The following PKP2 variants were observed in gnomAD, a reference collection of about 807,000 sequenced individuals.
The protein encoded by PKP2 is plakophilin-2.
A neutral mutation model predicts 83.4 loss-of-function variants in PKP2; 73 were observed. The ratio of observed to expected loss-of-function variants is 0.88; its 90% confidence interval spans 0.72 to 1.06. PKP2 has a LOEUF of 1.06. PKP2 is among the 50% of genes least tolerant of loss of function. The probability of loss-of-function intolerance (pLI) is 0.00; values close to 1 mark genes in which losing one functional copy is unlikely to be tolerated. For synonymous variants in PKP2, 409 were observed against 430.4 expected, an observed-to-expected ratio of 0.95 and a Z score of 0.62; for missense variants, 966 against 1,065.4, an observed-to-expected ratio of 0.91 and a Z score of 1.30.
chr12:32,840,914 TCAAA>T lies in PKP2; in HGVS notation c.1556+110_1556+113del, dbSNP rs1956584462. ...ATAAATAAATAAAATAAACAAACCA[TCAAA>T]CAAACTGTGTAACTAGAAAAGAACC... On this transcript the variant is annotated intron_variant, in intron 6 of 12. Transcript: ENST00000340811. The T allele has an allele frequency of 3.9e-6, 3 of 776,138 alleles. 1 individual carries two copies. The South Asian group carries it at 4.4e-5, about 11-fold the overall frequency. The allele number at this position is 776,138 out of a possible 1,614,324, so 48.1% of individuals were successfully genotyped here.
Position 32,850,823 on chromosome 12 carries a change from G to A in PKP2, c.1321C>T (p.Arg441Trp), listed in dbSNP as rs755233999. ...GTTTGCTTCAGCACCTGGAGCAGCC[G>A]AGGTACCCCATTTAGTTCAGCCACC... ...LEVAELNGVP[R>W]LLQVLKQTRD... is the part of the protein sequence containing the mutation. The change falls in exon 5 of 13, where the codon CGG becomes TGG. Residue 441 changes from arginine to tryptophan, a missense_variant. Transcript: ENST00000340811. 7.4e-6 allele frequency: 12 copies of A among 1,613,640 alleles called. No individual in the cohort carries two copies. The highest frequency in any genetic ancestry group is 1.1e-5 in the South Asian group (1 of 91,046).
intron 6 of PKP2, among the ~76,000 whole-genome samples, chr12:32,825,273 A>G (rs1038827634): frequency 1.4e-5 from 2 of 143,958 alleles, no homozygotes; most frequent in African/African-American, 5.2e-5. Context: ...GGTTCAAGCG[A>G]TTCTCCTGCC....
At position 32,878,981 on chromosome 12, in the gene PKP2, A is replaced by G. The variant is rs763639737; in HGVS notation, c.275T>C (p.Leu92Ser). The G allele has an allele frequency of 2.5e-6, 4 of 1,609,096 alleles. No homozygotes were observed. The highest frequency in any genetic ancestry group is 3.4e-6 in the Non-Finnish European group (4 of 1,177,150). The change falls in exon 2 of 13, where the codon TTG becomes TCG. Residue 92 changes from leucine (L) to serine (S), a missense_variant. Transcript: ENST00000340811. Reference protein sequence around the residue: ...SVPEYVYNLHLVENDFVGGRS... With the variant: ...SVPEYVYNLHSVENDFVGGRS... ...GCCTCCAACAAAATCATTTTCAACC[A>G]AGTGTAGGTTGTAGACATACTCAGG... is the stretch of plus-strand genomic sequence containing the variant.
In PKP2 at chr12:32,896,596, G is replaced by A; in HGVS notation, c.136C>T (p.Arg46Cys). 6.3e-7 allele frequency: 1 copy of A among 1,586,434 alleles called. No homozygotes were observed. Among genetic ancestry groups the A allele is most frequent in the South Asian group, 1.1e-5 (1 of 88,790 alleles). ...AGGCTCTTGACTGTCTGGCCGCCGCGGCCGCTGCTCCCCGCCAGCTTCAGC... is the reference window on the plus strand; with the variant it reads ...AGGCTCTTGACTGTCTGGCCGCCGCAGCCGCTGCTCCCCGCCAGCTTCAGC... ...AKLKLAGSSGRGGQTVKSLRI... is the reference protein window; with the variant it reads ...AKLKLAGSSGCGGQTVKSLRI... The change falls in exon 1 of 13, where the codon CGC becomes TGC. Residue 46 changes from arginine to cysteine, a missense_variant. Arg to Cys is a radical substitution (Grantham distance 180, BLOSUM62 -3). Coordinates refer to ENST00000340811, the MANE Select transcript of PKP2 (RefSeq NM_001005242.3).
At chr12:32,845,313 A>C (rs940722125) in intron 5 of PKP2, among the ~76,000 whole-genome samples, 3 of 152,164 alleles carry the variant, frequency 2.0e-5, no homozygotes, top group Admixed American at 2.0e-4. Flanking sequence ...GCACTCTGGG[A>C]GGCCGAGGGG....
Position 32,851,116 on chromosome 12 carries a change from T to G in PKP2, c.1171-143A>C. ...ACTATGTGTAGCACAACTGAGGCTCTTGTAGAATATACCCCGGCTATAAGG... is the reference window on the plus strand; with the variant it reads ...ACTATGTGTAGCACAACTGAGGCTCGTGTAGAATATACCCCGGCTATAAGG... On this transcript the variant is annotated intron_variant, in intron 4 of 12. Transcript: ENST00000340811. 5.6e-6 allele frequency: 4 copies of G among 711,974 alleles called. No individual in the cohort carries two copies. The South Asian group carries it at 6.3e-5, about 11-fold the overall frequency. 44.1% of individuals were successfully genotyped at this position (711,974 alleles called of 1,614,324 possible). A position where few individuals can be genotyped will look rare whatever the true frequency, so the allele number is the denominator to read the frequency against.
In PKP2 at chr12:32,796,109, G is replaced by A. The variant is rs1057518582; in HGVS notation, c.2357C>T (p.Ala786Val). 3.1e-6 allele frequency: 5 copies of A among 1,612,702 alleles called. No individual in the cohort carries two copies. In the African/African-American group the frequency reaches 5.3e-5, roughly 17 times the overall value. Reference sequence around the variant, plus strand: ...TGACGGGCAGAACTGAAGGACTTACGCATCGCCTGCACTAATGGCCATAAT... The same window carrying A: ...TGACGGGCAGAACTGAAGGACTTACACATCGCCTGCACTAATGGCCATAAT... ...QKIMAISAGD[A>V]YASNKASKAA... The change falls in exon 11 of 13, where the codon GCC becomes GTC. Residue 786 changes from alanine (A) to valine (V), a missense_variant and splice_region_variant. Physicochemically the swap from Ala to Val is moderately conservative, Grantham distance 64 (BLOSUM62 0). Transcript: ENST00000340811.
intron 6 of PKP2, among the ~76,000 whole-genome samples, chr12:32,835,228 T>G (rs1055461706): frequency 1.2e-4 from 19 of 152,106 alleles, no homozygotes; most frequent in African/African-American, 4.3e-4. Context: ...TAATTTTTTG[T>G]ATTTTTAGTA....
At position 32,878,225 on chromosome 12, in the gene PKP2, T is replaced by C. The variant is rs1309098966; in HGVS notation, c.655A>G (p.Arg219Gly). The C allele has an allele frequency of 1.3e-5, 21 of 1,614,130 alleles. No homozygotes were observed. The highest frequency in any genetic ancestry group is 1.6e-5 in the Non-Finnish European group (19 of 1,180,032). ...CTAACAGAGCCATGCTGGTACTGTC[T>C]GTGGTATGTGTCAAAGTGGCGCTGC... The part of the protein sequence containing the change: ...SRQRHFDTYH[R>G]QYQHGSVSDT... Residue 219 changes from arginine (R) to glycine (G), a missense_variant, in exon 3 of 13, where the codon AGA becomes GGA. Transcript: ENST00000340811.
At position 32,840,946 on chromosome 12, in the gene PKP2, A is replaced by C. The variant is rs1956584707; in HGVS notation, c.1556+82T>G. The C allele has an allele frequency of 8.3e-6, 8 of 966,268 alleles. No individual in the cohort carries two copies. The East Asian group carries it at 1.9e-4, about 23-fold the overall frequency. The allele number at this position is 966,268 out of a possible 1,614,324, so 59.9% of individuals were successfully genotyped here. A position where few individuals can be genotyped will look rare whatever the true frequency, so the allele number is the denominator to read the frequency against. ...AACTGTGTAACTAGAAAAGAACCAA[A>C]GGCAGAATATATCCTGACTTCCTTG... On this transcript the variant is annotated intron_variant, in intron 6 of 12. Transcript: ENST00000340811.
intron 4 of PKP2, among the ~76,000 whole-genome samples, chr12:32,856,041 G>A (rs1427164203): frequency 6.6e-6 from 1 of 152,008 alleles, no homozygotes; most frequent in East Asian, 1.9e-4. Flanking sequence ...AAAAATTAGA[G>A]AACAAAACCA....
At chr12:32,852,294 T>C (rs1350097212) in intron 4 of PKP2, among the ~76,000 whole-genome samples, 1 of 152,220 alleles carries the variant, frequency 6.6e-6, no homozygotes, top group East Asian at 1.9e-4. Context: ...AGCGGAGAGC[T>C]GCACGCCTGG....
chr12:32,880,992 C>T (rs1471623220), intron 1 of PKP2, among the ~76,000 whole-genome samples: 1 of 152,178 alleles, frequency 6.6e-6, no homozygotes. Context: ...TACAACAACA[C>T]AGGGTGCTCC....
intron 4 of PKP2, among the ~76,000 whole-genome samples, chr12:32,858,883 G>A (rs993676223): frequency 2.0e-5 from 3 of 152,146 alleles, no homozygotes; most frequent in South Asian, 2.1e-4. Context: ...ATGAATTCAA[G>A]TGAAAAAAAA....
chr12:32,793,473 A>G (rs1357821398), intron 11 of PKP2, among the ~76,000 whole-genome samples: 1 of 152,064 alleles, frequency 6.6e-6, no homozygotes, highest in Non-Finnish European at 1.5e-5. Context: ...CAAGTCAATA[A>G]AAGAAATTCT....
intron 5 of PKP2, chr12:32,843,033 G>A (rs749412208): frequency 4.5e-4 from 151 of 336,546 alleles, no homozygotes; most frequent in Non-Finnish European, 7.2e-4. Context: ...AGGCTGGAGT[G>A]TAGTGGCACA....
chr12:32,865,681 CAA>C, intron 4 of PKP2, among the ~76,000 whole-genome samples: 1 of 103,652 alleles, frequency 9.6e-6, no homozygotes, highest in African/African-American at 5.6e-5. Context: ...GACTCCGTCT[CAA>C]AAAAAAAAAG....
intron 11 of PKP2, among the ~76,000 whole-genome samples, chr12:32,794,901 A>C (rs1460645073): frequency 6.6e-6 from 1 of 152,138 alleles, no homozygotes; most frequent in Non-Finnish European, 1.5e-5. Context: ...AGGGGCCTAA[A>C]TTGGGTGGGG....
chr12:32,845,530 C>T (rs1448647164), intron 5 of PKP2, among the ~76,000 whole-genome samples: 1 of 151,874 alleles, frequency 6.6e-6, no homozygotes, highest in African/African-American at 2.4e-5. Flanking sequence ...CCAGCCTCGG[C>T]AACAGAGCGA....
Sources: gnomAD v4.1 joint callset for allele counts (sites outside exome capture counted in the v4.1 genomes callset) on GRCh38, gnomAD v4.1.1 for gene constraint, MANE v1.5 for transcripts, NCBI Gene and HGNC (gene_info 2026-07-23, HGNC 2026-07-21) for gene names.